SCN9A: variants seen among roughly 807,000 people sequenced by gnomAD.
SCN9A encodes sodium channel protein type 9 subunit alpha.
SCN9A carries 131 observed loss-of-function variants against 187.0 expected under a neutral mutation model. The observed-to-expected ratio is 0.70, with a 90% CI of 0.61 to 0.81. SCN9A has a LOEUF of 0.81. Ranked by LOEUF, SCN9A falls within the 30% of genes least tolerant of loss-of-function variation. The probability of loss-of-function intolerance (pLI) is 0.00; values close to 1 mark genes in which losing one functional copy is unlikely to be tolerated. For synonymous variants in SCN9A, 809 were observed against 808.6 expected (o/e 1.00, Z -0.01); for missense variants, 2,252 against 2,396.6 (o/e 0.94, Z 1.26).
chr2:166,228,548 C>T (rs117259237), intron 22 of SCN9A, 143 bp downstream of exon 22: 33 of 806,712 alleles, frequency 4.1e-5, no homozygotes, highest in Non-Finnish European at 4.9e-5. Flanking sequence ...TGAGCCACTG[C>T]GCCCGGCCAA....
intron 24 of SCN9A, among the ~76,000 whole-genome samples, chr2:166,205,709 A>G (rs1693766738): frequency 1.3e-5 from 2 of 152,168 alleles, no homozygotes; most frequent in African/African-American, 4.8e-5. Flanking sequence ...AGAAACTATC[A>G]TCAGAGTGAA....
At chr2:166,303,334 A>C (rs1236406337) in intron 6 of SCN9A, 32 bp from the exon 7 acceptor site, 2 of 1,547,550 alleles carry the variant, frequency 1.3e-6, no homozygotes, top group South Asian at 2.4e-5. Flanking sequence ...GTTTGTAATG[A>C]CATAAAGCCT....
rs545508686 is a variant in SCN9A, at chr2:166,313,134, T to C, written c.-50-1328A>G. Among the ~76,000 whole-genome samples the C allele has an allele frequency of 9.4e-4, 141 of 150,400 alleles. 1 individual carries two copies. The highest frequency in any genetic ancestry group is 2.6e-3 in the African/African-American group (109 of 41,222). ...AATAGTAAATAATATAATTATTATG[T>C]AATTTTCTGAATAGTAAATAATTAT... On this transcript the variant is annotated intron_variant, in intron 1 of 26. Transcript: ENST00000642356.
chr2:166,219,670 G>T (rs1694496490), intron 24 of SCN9A, among the ~76,000 whole-genome samples: 1 of 152,022 alleles, frequency 6.6e-6, no homozygotes, highest in Non-Finnish European at 1.5e-5. Context: ...AAACCCCTAT[G>T]ACATGTTTAC....
chr2:166,303,580 C>A (rs551531848), intron 6 of SCN9A, among the ~76,000 whole-genome samples: 20 of 152,164 alleles, frequency 1.3e-4, no homozygotes, highest in Admixed American at 1.2e-3. Context: ...TTTGTAAGTT[C>A]TAATGTTTGT....
chr2:166,358,034 T>TTTA (rs1700191884), intron 1 of SCN9A, among the ~76,000 whole-genome samples: 3 of 140,926 alleles, frequency 2.1e-5, no homozygotes, highest in Non-Finnish European at 3.1e-5. Flanking sequence ...GGAATAAAAC[T>TTTA]TTTATTTATT....
chr2:166,228,319 C>T (rs953294002), intron 22 of SCN9A, among the ~76,000 whole-genome samples: 6 of 140,148 alleles, frequency 4.3e-5, no homozygotes, highest in East Asian at 4.5e-4. Context: ...TGCAGTGGCA[C>T]GATCTTGGCC....
chr2:166,369,782 A>G (rs1318767178), intron 1 of SCN9A, among the ~76,000 whole-genome samples: 1 of 152,220 alleles, frequency 6.6e-6, no homozygotes, highest in African/African-American at 2.4e-5. Context: ...TACACTGTCT[A>G]TTAGACTTGA....
At chr2:166,317,532 T>C (rs1437527283) in intron 1 of SCN9A, among the ~76,000 whole-genome samples, 2 of 152,212 alleles carry the variant, frequency 1.3e-5, no homozygotes, top group South Asian at 2.1e-4. Context: ...AGATTTCCTA[T>C]AGTTAAAATC....
rs772407188 is a variant in SCN9A at position 166,286,483 on chromosome 2, T to C, written c.1455A>G (p.Gln485=). Residue 485 remains glutamine, a synonymous_variant, in exon 11 of 27, where the codon CAA becomes CAG. Coordinates refer to ENST00000642356, the MANE Select transcript of SCN9A (RefSeq NM_001365536.1). Reference sequence around the variant, plus strand: ...TTTCCTCTCCACTGGAGAGCTTCTTTTGATTCTTTTTCTTTCTTCTGTTTC... The same window carrying C: ...TTTCCTCTCCACTGGAGAGCTTCTTCTGATTCTTTTTCTTTCTTCTGTTTC... ...ERRNRRKKKN[Q]KKLSSGEEKG... 1.9e-6 allele frequency: 3 copies of C among 1,613,846 alleles called. No individual in the cohort carries two copies. The highest frequency in any genetic ancestry group is 2.5e-6 in the Non-Finnish European group (3 of 1,179,834).
chr2:166,227,667 T>C lies in SCN9A; in HGVS notation c.4260+3A>G. 2.0e-6 allele frequency: 3 copies of C among 1,496,140 alleles called. No individual in the cohort carries two copies. The highest frequency in any genetic ancestry group is 9.1e-7 in the Non-Finnish European group (1 of 1,094,090). The allele number at this position is 1,496,140 out of a possible 1,614,324, so 92.7% of individuals were successfully genotyped here. A position where few individuals can be genotyped will look rare whatever the true frequency, so the allele number is the denominator to read the frequency against. ...GTTTAGTGCTAAGATAATCAATACT[T>C]ACATTAACAGAATCCACTGCTGCAT... On this transcript the variant is annotated splice_donor_region_variant and intron_variant, in intron 23 of 26. Transcript: ENST00000642356.
chr2:166,270,762 G>GATATATATATATAT (rs60551465), intron 17 of SCN9A, among the ~76,000 whole-genome samples: 4 of 143,664 alleles, frequency 2.8e-5, no homozygotes, highest in South Asian at 2.2e-4. Context: ...GCATTTTACT[G>GATATATATATATAT]ATATATATAT....
chr2:166,304,366 A>G (rs1698681960), intron 5 of SCN9A, 37 bp from the exon 6 acceptor site: 3 of 1,558,490 alleles, frequency 1.9e-6, no homozygotes, highest in African/African-American at 2.7e-5. Context: ...GAATTTAGAT[A>G]GAGTCTATGA....
chr2:166,353,204 A>G (rs1331451695), intron 1 of SCN9A, among the ~76,000 whole-genome samples: 6 of 150,656 alleles, frequency 4.0e-5, no homozygotes, highest in Non-Finnish European at 5.9e-5. Context: ...AAATACAAAA[A>G]TAGTGAGTCC....
chr2:166,210,669 A>C (rs971138973), intron 24 of SCN9A, among the ~76,000 whole-genome samples: 6 of 152,030 alleles, frequency 3.9e-5, no homozygotes, highest in Non-Finnish European at 8.8e-5. Context: ...AAGGGGTGTA[A>C]AAATATTTTT....
At chr2:166,354,549 C>T (rs189017951) in intron 1 of SCN9A, among the ~76,000 whole-genome samples, 38 of 152,138 alleles carry the variant, frequency 2.5e-4, no homozygotes, top group Admixed American at 2.4e-3. Context: ...TACTTAAGCA[C>T]CTTAAAATTG....
intron 24 of SCN9A, among the ~76,000 whole-genome samples, chr2:166,207,844 C>T (rs1693889742): frequency 6.6e-6 from 1 of 152,162 alleles, no homozygotes; most frequent in South Asian, 2.1e-4. Flanking sequence ...AGACAGACTT[C>T]ATGTCAATGT....
At chr2:166,340,505 CT>C (rs1373234966) in intron 1 of SCN9A, among the ~76,000 whole-genome samples, 1 of 144,910 alleles carries the variant, frequency 6.9e-6, no homozygotes, top group African/African-American at 2.7e-5. Flanking sequence ...TTCTTTCTTT[CT>C]TTTCCTTCCT....
intron 1 of SCN9A, among the ~76,000 whole-genome samples, chr2:166,334,552 G>A (rs1699582511): frequency 6.6e-6 from 1 of 152,032 alleles, no homozygotes; most frequent in South Asian, 2.1e-4. Context: ...TGTTTCTGAA[G>A]ACTCATCTGG....
Sources: allele counts gnomAD v4.1 joint callset (sites outside exome capture counted in the v4.1 genomes callset), GRCh38; gene constraint gnomAD v4.1.1; transcripts MANE v1.5; gene names NCBI Gene and HGNC (gene_info 2026-07-23, HGNC 2026-07-21).